The following PIK3C2G variants were observed in gnomAD, a reference collection of about 807,000 sequenced individuals.
PIK3C2G encodes the protein phosphatidylinositol-4-phosphate 3-kinase catalytic subunit type 2 gamma.
In PIK3C2G, 168 loss-of-function variants were observed where a neutral mutation model predicts 181.1. The observed-to-expected ratio is 0.93, with a 90% CI of 0.82 to 1.05. The LOEUF is 1.05. Ranked by LOEUF, PIK3C2G falls within the 50% of genes least tolerant of loss-of-function variation. PIK3C2G has a pLI of 0.00. For missense variants in PIK3C2G, 1,869 were observed against 1,732.8 expected (o/e 1.08, Z -1.40); for synonymous variants, 573 against 592.2 (o/e 0.97, Z 0.47).
At chr12:18,691,829 C>G in the PIK3C2G span, among the ~76,000 whole-genome samples, 47 of 152,296 alleles carry the variant, frequency 3.1e-4, no homozygotes, top group East Asian at 4.6e-3. Flanking sequence ...AACTCCTTAA[C>G]AGACAATACA....
chr12:18,665,567 C>T, the PIK3C2G span, among the ~76,000 whole-genome samples: 2 of 152,014 alleles, frequency 1.3e-5, no homozygotes, highest in East Asian at 3.9e-4. Context: ...CCAAGGCAGG[C>T]AGATCACCTG....
intron 19 of PIK3C2G, among the ~76,000 whole-genome samples, chr12:18,491,080 A>G (rs1007601438): frequency 6.6e-6 from 1 of 152,154 alleles, no homozygotes; most frequent in Non-Finnish European, 1.5e-5. Flanking sequence ...TCAGAAAATT[A>G]TCAGAAAAGG....
chr12:18,628,312 C>T (rs1218323190), intron 31 of PIK3C2G, among the ~76,000 whole-genome samples: 1 of 152,072 alleles, frequency 6.6e-6, no homozygotes, highest in Non-Finnish European at 1.5e-5. Context: ...TGCTGGCATA[C>T]CCCATAATAT....
At chr12:18,565,538 GA>G (rs1945585377) in intron 28 of PIK3C2G, among the ~76,000 whole-genome samples, 1 of 152,092 alleles carries the variant, frequency 6.6e-6, no homozygotes, top group South Asian at 2.1e-4. Context: ...CTCTAATAAT[GA>G]AATATCAAAT....
At chr12:18,590,642 T>C (rs955231745) in intron 29 of PIK3C2G, among the ~76,000 whole-genome samples, 6 of 151,942 alleles carry the variant, frequency 3.9e-5, no homozygotes, top group African/African-American at 1.4e-4. Flanking sequence ...GACTATCTAT[T>C]GGTGCAATGT....
chr12:18,606,475 C>T (rs920776198), intron 30 of PIK3C2G, among the ~76,000 whole-genome samples: 6 of 151,966 alleles, frequency 3.9e-5, no homozygotes, highest in African/African-American at 1.4e-4. Flanking sequence ...TATAGTCTCT[C>T]CCAGTTAGTG....
chr12:18,551,551 C>A (rs1231066542), intron 26 of PIK3C2G, among the ~76,000 whole-genome samples: 1 of 152,008 alleles, frequency 6.6e-6, no homozygotes, highest in East Asian at 1.9e-4. Context: ...CATGTAAGTT[C>A]TCATTTAGTA....
chr12:18,417,088 A>G (rs534053311), intron 16 of PIK3C2G, among the ~76,000 whole-genome samples: 1 of 152,286 alleles, frequency 6.6e-6, no homozygotes, highest in South Asian at 2.1e-4. Flanking sequence ...CTCATAGATG[A>G]CAGTAAGGGG....
intron 18 of PIK3C2G, among the ~76,000 whole-genome samples, chr12:18,470,442 G>A (rs1938351465): frequency 6.6e-6 from 1 of 152,062 alleles, no homozygotes; most frequent in South Asian, 2.1e-4. Context: ...TGAAACCACA[G>A]CCCCATGCGG....
rs558835944 is a variant in PIK3C2G at position 18,276,898 on chromosome 12, G to C, written c.-78-5106G>C. Among the ~76,000 whole-genome samples the C allele has an allele frequency of 2.7e-3, 416 of 152,250 alleles. 3 individuals carry two copies. Among genetic ancestry groups the C allele is most frequent in the Middle Eastern group, 0.014 (4 of 294 alleles). On this transcript the variant is annotated intron_variant, in intron 1 of 32. Coordinates refer to ENST00000538779, the MANE Select transcript of PIK3C2G (RefSeq NM_001288772.2). ...ATGGCTTTGAATTTTCCATATGCAA[G>C]AATCTTTAGGCAGTTTAATGGGAAG...
At chr12:18,630,680 T>C (rs1949312462) in intron 31 of PIK3C2G, among the ~76,000 whole-genome samples, 1 of 145,676 alleles carries the variant, frequency 6.9e-6, no homozygotes, top group African/African-American at 2.6e-5. Flanking sequence ...TTTAAAACAC[T>C]GAAAAATTAT....
chr12:18,515,806 G>T, intron 24 of PIK3C2G, among the ~76,000 whole-genome samples: 1 of 151,738 alleles, frequency 6.6e-6, no homozygotes, highest in Non-Finnish European at 1.5e-5. Flanking sequence ...ACTTTAGGTT[G>T]TTTTTTAAAT....
At chr12:18,462,559 G>T (rs965859679) in intron 18 of PIK3C2G, among the ~76,000 whole-genome samples, 2 of 152,084 alleles carry the variant, frequency 1.3e-5, no homozygotes, top group Non-Finnish European at 2.9e-5. Context: ...TTGACAGAAG[G>T]TAACTCAAAA....
chr12:18,482,625 T>G (rs1168382034), intron 18 of PIK3C2G, among the ~76,000 whole-genome samples: 3 of 152,152 alleles, frequency 2.0e-5, no homozygotes, highest in Non-Finnish European at 2.9e-5. Context: ...TTGCCCCCCC[T>G]TTTCTCCATC....
chr12:18,423,848 CT>C, intron 17 of PIK3C2G, 96 bp from the exon 18 acceptor site: 5 of 705,744 alleles, frequency 7.1e-6, no homozygotes, highest in Non-Finnish European at 7.6e-6. Context: ...AATATGCATG[CT>C]GTTTTCTCTA....
chr12:18,525,983 A>C (rs1194749645), intron 24 of PIK3C2G, among the ~76,000 whole-genome samples: 2 of 152,208 alleles, frequency 1.3e-5, no homozygotes, highest in African/African-American at 2.4e-5. Context: ...CAGCATTTTC[A>C]TCCCAATACT....
At chr12:18,325,676 C>G (rs1951309476) in intron 8 of PIK3C2G, among the ~76,000 whole-genome samples, 2 of 147,386 alleles carry the variant, frequency 1.4e-5, no homozygotes, top group South Asian at 4.3e-4. Flanking sequence ...CCACTGTACT[C>G]CAGCCTGGTG....
intron 3 of PIK3C2G, among the ~76,000 whole-genome samples, chr12:18,287,341 T>G (rs1365495918): frequency 6.6e-6 from 1 of 152,054 alleles, no homozygotes; most frequent in African/African-American, 2.4e-5. Flanking sequence ...TTATCTTGAG[T>G]GGATTGGCAG....
chr12:18,622,895 G>T (rs1948927124), intron 31 of PIK3C2G, among the ~76,000 whole-genome samples: 1 of 150,738 alleles, frequency 6.6e-6, no homozygotes, highest in Non-Finnish European at 1.5e-5. Flanking sequence ...CTTCTTAATT[G>T]AATTGTTTTC....
Sources: gnomAD v4.1 joint callset for allele counts (sites outside exome capture counted in the v4.1 genomes callset) on GRCh38, gnomAD v4.1.1 for gene constraint, MANE v1.5 for transcripts, NCBI Gene and HGNC (gene_info 2026-07-23, HGNC 2026-07-21) for gene names.